Variants in GALNTL6 observed in about 807,000 individuals in gnomAD.
The protein encoded by GALNTL6 is polypeptide N-acetylgalactosaminyltransferase like 6, also known as polypeptide N-acetylgalactosaminyltransferase-like 6.
In GALNTL6, 46 loss-of-function variants were observed where a neutral mutation model predicts 73.7. The observed-to-expected ratio is 0.62, with a 90% CI of 0.49 to 0.80. The LOEUF (loss-of-function observed/expected upper bound fraction) is 0.80. Ranked by LOEUF, GALNTL6 falls within the 30% of genes least tolerant of loss-of-function variation. The pLI is 0.00. For missense variants in GALNTL6, 604 were observed against 755.0 expected (o/e 0.80, Z 2.34); for synonymous variants, 259 against 263.7 (o/e 0.98, Z 0.17).
intron 4 of GALNTL6, among the ~76,000 whole-genome samples, chr4:172,343,733 T>G (rs761495353): frequency 6.6e-6 from 1 of 152,128 alleles, no homozygotes; most frequent in Admixed American, 6.6e-5. Context: ...AATTTGCCAT[T>G]GAAGTTTCAT....
At chr4:172,131,082 G>C (rs1425142884) in intron 2 of GALNTL6, among the ~76,000 whole-genome samples, 2 of 151,816 alleles carry the variant, frequency 1.3e-5, no homozygotes, top group Admixed American at 6.6e-5. Flanking sequence ...TATTACACTA[G>C]AAAAACAAAC....
chr4:172,332,534 T>TA (rs146592843), intron 4 of GALNTL6, among the ~76,000 whole-genome samples: 4,073 of 151,994 alleles, frequency 0.027, 153 homozygotes, highest in African/African-American at 0.086. Context: ...TTTTTTTTTT[T>TA]ACCTCCCACA....
chr4:172,281,456 A>T (rs1298536207), intron 3 of GALNTL6, among the ~76,000 whole-genome samples: 1 of 152,158 alleles, frequency 6.6e-6, no homozygotes, highest in East Asian at 1.9e-4. Flanking sequence ...GCACTTTGGG[A>T]GGCCAAGGCA....
At chr4:172,015,349 A>T (rs976282290) in intron 2 of GALNTL6, among the ~76,000 whole-genome samples, 4 of 151,960 alleles carry the variant, frequency 2.6e-5, no homozygotes, top group Non-Finnish European at 5.9e-5. Flanking sequence ...CTTTCATGTG[A>T]TATAAAAATA....
chr4:172,406,021 A>G (rs1561068675), intron 5 of GALNTL6, among the ~76,000 whole-genome samples: 1 of 152,022 alleles, frequency 6.6e-6, no homozygotes, highest in Non-Finnish European at 1.5e-5. Context: ...TGAAATCTAA[A>G]TCTAGTCTTA....
At chr4:172,384,138 C>T (rs1017630242) in intron 5 of GALNTL6, among the ~76,000 whole-genome samples, 2 of 152,026 alleles carry the variant, frequency 1.3e-5, no homozygotes, top group African/African-American at 4.8e-5. Flanking sequence ...GTGTTCCTTC[C>T]TCTTCTACTT....
At chr4:172,747,136 C>A (rs1052139453) in intron 5 of GALNTL6, among the ~76,000 whole-genome samples, 20 of 151,994 alleles carry the variant, frequency 1.3e-4, no homozygotes, top group African/African-American at 4.8e-4. Context: ...TAATTTAACC[C>A]CAAAATGCAG....
At chr4:172,475,105 C>T (rs1054435141) in intron 5 of GALNTL6, among the ~76,000 whole-genome samples, 33 of 152,244 alleles carry the variant, frequency 2.2e-4, no homozygotes, top group African/African-American at 7.5e-4. Flanking sequence ...ATAGTTAAAT[C>T]AAAATGTTGA....
chr4:172,198,167 G>A (rs949767069), intron 2 of GALNTL6, among the ~76,000 whole-genome samples: 5 of 151,700 alleles, frequency 3.3e-5, no homozygotes, highest in Non-Finnish European at 5.9e-5. Flanking sequence ...TTTAGGCAAC[G>A]CCATTCAGGA....
chr4:172,536,341 G>A (rs192340632), intron 5 of GALNTL6, among the ~76,000 whole-genome samples: 54 of 152,322 alleles, frequency 3.5e-4, no homozygotes, highest in African/African-American at 1.3e-3. Context: ...ACAATCAGAG[G>A]TTGGAACAGT....
At chr4:172,594,375 A>G (rs962197330) in intron 5 of GALNTL6, among the ~76,000 whole-genome samples, 12 of 152,146 alleles carry the variant, frequency 7.9e-5, no homozygotes, top group African/African-American at 1.9e-4. Flanking sequence ...AGACATTTCA[A>G]CTTCTATTAA....
intron 2 of GALNTL6, among the ~76,000 whole-genome samples, chr4:171,951,761 A>G (rs1738888609): frequency 6.6e-6 from 1 of 152,052 alleles, no homozygotes. Flanking sequence ...ACACTTTTGA[A>G]TTACTACGGA....
At chr4:171,970,792 A>T (rs1739546707) in intron 2 of GALNTL6, among the ~76,000 whole-genome samples, 1 of 152,240 alleles carries the variant, frequency 6.6e-6, no homozygotes, top group African/African-American at 2.4e-5. Context: ...GCTTTAAAAA[A>T]GATAAATATG....
At chr4:172,533,379 C>T (rs1735237131) in intron 5 of GALNTL6, among the ~76,000 whole-genome samples, 1 of 116,582 alleles carries the variant, frequency 8.6e-6, no homozygotes, top group Admixed American at 1.3e-4. Context: ...GGCTGGAGTG[C>T]AGTGGTGTGA....
intron 5 of GALNTL6, among the ~76,000 whole-genome samples, chr4:172,681,221 A>G (rs1164345622): frequency 1.3e-5 from 2 of 152,190 alleles, no homozygotes; most frequent in African/African-American, 4.8e-5. Flanking sequence ...TTCTGCATGA[A>G]GAGTAAACAG....
chr4:172,245,645 C>T (rs533920855), intron 3 of GALNTL6, among the ~76,000 whole-genome samples: 3 of 152,274 alleles, frequency 2.0e-5, no homozygotes, highest in Admixed American at 6.5e-5. Context: ...GCAGTTTAGA[C>T]ATAACTTTAT....
chr4:172,931,026 T>C, intron 8 of GALNTL6, 135 bp from the exon 9 acceptor site: 1 of 645,504 alleles, frequency 1.5e-6, no homozygotes, highest in Non-Finnish European at 2.8e-6. Flanking sequence ...TCTTTTCTGG[T>C]TAGCCATTTA....
chr4:171,982,484 G>A (rs1739931446), intron 2 of GALNTL6, among the ~76,000 whole-genome samples: 1 of 151,988 alleles, frequency 6.6e-6, no homozygotes, highest in Non-Finnish European at 1.5e-5. Context: ...ATTTTCATTA[G>A]AGACGGGGTT....
At chr4:172,569,096 G>A (rs1736669788) in intron 5 of GALNTL6, among the ~76,000 whole-genome samples, 1 of 152,106 alleles carries the variant, frequency 6.6e-6, no homozygotes, top group African/African-American at 2.4e-5. Flanking sequence ...TTGGGCCCTG[G>A]CATAGTTCTC....
Sources: allele counts gnomAD v4.1 joint callset (sites outside exome capture counted in the v4.1 genomes callset), GRCh38; gene constraint gnomAD v4.1.1; transcripts MANE v1.5; gene names NCBI Gene and HGNC (gene_info 2026-07-23, HGNC 2026-07-21).